Variants in PREX2 observed in about 807,000 individuals in gnomAD.
PREX2 encodes phosphatidylinositol-3,4,5-trisphosphate dependent Rac exchange factor 2.
PREX2 carries 107 observed loss-of-function variants against 203.2 expected under a neutral mutation model. The ratio of observed to expected loss-of-function variants is 0.53; its 90% confidence interval spans 0.45 to 0.62. The LOEUF is 0.62. Ranked by LOEUF, PREX2 falls within the 20% of genes least tolerant of loss-of-function variation. The probability of loss-of-function intolerance (pLI) is 0.00; values close to 1 mark genes in which losing one functional copy is unlikely to be tolerated. For synonymous variants in PREX2, 672 were observed against 663.6 expected, an observed-to-expected ratio of 1.01 and a Z score of -0.19; for missense variants, 1,777 against 1,955.9, an observed-to-expected ratio of 0.91 and a Z score of 1.72.
chr8:68,159,198 A>G (rs554238454), intron 35 of PREX2, among the ~76,000 whole-genome samples: 2 of 152,324 alleles, frequency 1.3e-5, no homozygotes, highest in African/African-American at 2.4e-5. Context: ...AATAAAACTC[A>G]AAAACAATGG....
At chr8:68,138,626 T>A in intron 33 of PREX2, 109 bp downstream of exon 33, 2 of 514,300 alleles carry the variant, frequency 3.9e-6, no homozygotes, top group Non-Finnish European at 6.9e-6. Context: ...ATGATTGAAA[T>A]GTATCCTTTT....
chr8:68,083,374 C>T lies in PREX2; in HGVS notation c.2013C>T (p.Ser671=). 1 of 1,607,032 alleles carries T rather than the reference C, an allele frequency of 6.2e-7. No individual in the cohort carries two copies. The highest frequency in any genetic ancestry group is 8.5e-7 in the Non-Finnish European group (1 of 1,175,594). The change falls in exon 18 of 40, where the codon AGC becomes AGT. Residue 671 remains serine (S), a synonymous_variant. Coordinates refer to ENST00000288368, the MANE Select transcript of PREX2 (RefSeq NM_024870.4). ...GAAAACCTCTAAGAGTTCTTGTGAG[C>T]ACAAAGCCAAGAGAGTAAGTTGTAT... is the stretch of plus-strand genomic sequence containing the variant. ...NSRKPLRVLV[S]TKPRETVKIP...
intron 30 of PREX2, among the ~76,000 whole-genome samples, chr8:68,124,318 A>G (rs1810844021): frequency 1.3e-5 from 2 of 152,152 alleles, no homozygotes; most frequent in African/African-American, 4.8e-5. Flanking sequence ...ATAAAAAAGA[A>G]TGAGCTAATG....
chr8:68,192,214 T>G (rs1812309242), intron 36 of PREX2, 121 bp from the exon 37 acceptor site: 6 of 714,566 alleles, frequency 8.4e-6, no homozygotes. Context: ...TAGTAGTCTC[T>G]AATTCCATTA....
intron 31 of PREX2, among the ~76,000 whole-genome samples, chr8:68,129,579 A>G (rs1810960817): frequency 2.0e-5 from 3 of 151,312 alleles, no homozygotes. Flanking sequence ...ATTTTGCTTT[A>G]TTTTCCCTGC....
intron 25 of PREX2, 71 bp downstream of exon 25, chr8:68,109,694 C>A: frequency 2.4e-6 from 3 of 1,239,852 alleles, no homozygotes; most frequent in Non-Finnish European, 3.5e-6. Flanking sequence ...TAGAAAAATT[C>A]AATCATTCTC....
rs144583313 is a variant in PREX2, at chr8:68,034,564, A to G, written c.706-3595A>G. Among the ~76,000 whole-genome samples the G allele has an allele frequency of 8.1e-3, 1,237 of 152,304 alleles. 7 individuals carry two copies. The highest frequency in any genetic ancestry group is 0.022 in the African/African-American group (917 of 41,582). ...AAAGATAAGAGAAGGAATTATTAAT[A>G]TATGAAGGTGTTGGGATAAATGAGA... is the stretch of plus-strand genomic sequence containing the variant. On this transcript the variant is annotated intron_variant, in intron 6 of 39. Transcript: ENST00000288368.
intron 25 of PREX2, among the ~76,000 whole-genome samples, chr8:68,113,792 TGTC>T (rs935656914): frequency 2.6e-5 from 4 of 152,190 alleles, no homozygotes; most frequent in African/African-American, 7.2e-5. Flanking sequence ...TGTTTTTACT[TGTC>T]TTCTCTCAGT....
At chr8:68,165,061 CT>C (rs34771971) in intron 35 of PREX2, among the ~76,000 whole-genome samples, 91,880 of 146,620 alleles carry the variant, frequency 0.63, 28,592 homozygotes, top group African/African-American at 0.72. Flanking sequence ...TTACTTTTGC[CT>C]TTTTTTTTTT....
intron 35 of PREX2, among the ~76,000 whole-genome samples, chr8:68,183,027 G>A (rs1296963453): frequency 1.3e-5 from 2 of 151,900 alleles, no homozygotes; most frequent in African/African-American, 2.4e-5. Context: ...TAAGGACATG[G>A]CAAGGCACGG....
intron 1 of PREX2, among the ~76,000 whole-genome samples, chr8:68,004,720 G>C (rs13276328): frequency 0.11 from 15,974 of 152,016 alleles, 906 homozygotes; most frequent in South Asian, 0.16. Context: ...TCCATATTCC[G>C]TCAGGTATGG....
intron 6 of PREX2, among the ~76,000 whole-genome samples, chr8:68,034,255 G>T (rs773120136): frequency 1.1e-4 from 17 of 152,112 alleles, no homozygotes; most frequent in Non-Finnish European, 2.4e-4. Flanking sequence ...CTACAAGATA[G>T]TCTACTGAAG....
intron 39 of PREX2, 59 bp downstream of exon 39, chr8:68,224,685 G>A: frequency 7.8e-7 from 1 of 1,280,396 alleles, no homozygotes; most frequent in Non-Finnish European, 1.1e-6. Context: ...TTCCCCGGCA[G>A]TGTCCCTCCG....
intron 10 of PREX2, among the ~76,000 whole-genome samples, chr8:68,057,340 A>G (rs58339694): frequency 0.11 from 16,945 of 152,158 alleles, 2,973 homozygotes; most frequent in African/African-American, 0.37. Context: ...AGTCGTGGGT[A>G]CTTATTTATA....
At position 68,080,809 on chromosome 8, in the gene PREX2, A is replaced by C. The variant is rs1809497191; in HGVS notation, c.1849A>C (p.Lys617Gln). 6.5e-7 allele frequency: 1 copy of C among 1,548,798 alleles called. No individual in the cohort carries two copies. The highest frequency in any genetic ancestry group is 8.9e-7 in the Non-Finnish European group (1 of 1,126,210). ...AGACAAAAATAAAGTTCCAATAATA[A>C]AGTTGGTAGAAAAGGGATCTAATGC... Reference protein sequence around the residue: ...LEDKNKVPIIKLVEKGSNAEM... With the variant: ...LEDKNKVPIIQLVEKGSNAEM... Residue 617 changes from lysine to glutamine, a missense_variant, in exon 17 of 40, where the codon AAG becomes CAG. By Grantham distance (53) the Lys-to-Gln change is moderately conservative. Coordinates refer to ENST00000288368, the MANE Select transcript of PREX2 (RefSeq NM_024870.4).
chr8:68,214,127 A>G lies in PREX2; in HGVS notation c.4605-3489A>G, dbSNP rs546766332. Among the ~76,000 whole-genome samples, 90 of 152,000 alleles carry G rather than the reference A, an allele frequency of 5.9e-4. 1 individual carries two copies. In the South Asian group the frequency reaches 0.018, roughly 30 times the overall value. On this transcript the variant is annotated intron_variant, in intron 37 of 39. Coordinates refer to ENST00000288368, the MANE Select transcript of PREX2 (RefSeq NM_024870.4). Reference sequence around the variant, plus strand: ...TAAGAAACTCCATATTGGGCTGGGCATGGTGGCTCACACCTGTAATTCCAG... The same window carrying G: ...TAAGAAACTCCATATTGGGCTGGGCGTGGTGGCTCACACCTGTAATTCCAG...
At chr8:68,012,121 C>T (rs1431575966) in intron 1 of PREX2, among the ~76,000 whole-genome samples, 2 of 152,122 alleles carry the variant, frequency 1.3e-5, no homozygotes, top group Non-Finnish European at 2.9e-5. Context: ...ACATACCAAT[C>T]GTATGCTGAC....
At position 68,231,477 on chromosome 8, in the gene PREX2, C is replaced by CTTT. The variant is rs10581964; in HGVS notation, c.*115_*117dup. 543 of 473,334 alleles carry CTTT rather than the reference C, an allele frequency of 1.1e-3. No homozygotes were observed. The highest frequency in any genetic ancestry group is 4.1e-3 in the East Asian group (100 of 24,312). The allele number at this position is 473,334 out of a possible 1,614,324, so 29.3% of individuals were successfully genotyped here. The stretch of plus-strand genomic sequence containing the variant: ...ATTCTCCACTGAAGATACATCAATG[C>CTTT]TTTTTTTTTTTTTTTTTTCTGTAAA... On this transcript the variant is annotated 3_prime_UTR_variant, in exon 40 of 40. Transcript: ENST00000288368.
At chr8:68,188,758 A>G (rs1563579812) in intron 35 of PREX2, among the ~76,000 whole-genome samples, 1 of 151,930 alleles carries the variant, frequency 6.6e-6, no homozygotes, top group Admixed American at 6.6e-5. Context: ...GGGGGAAACA[A>G]CCCCCATGAT....
Sources: allele counts gnomAD v4.1 joint callset (sites outside exome capture counted in the v4.1 genomes callset), GRCh38; gene constraint gnomAD v4.1.1; transcripts MANE v1.5; gene names NCBI Gene and HGNC (gene_info 2026-07-23, HGNC 2026-07-21).